The following WWOX variants were observed in gnomAD, a reference collection of about 807,000 sequenced individuals.
WWOX encodes WW domain-containing oxidoreductase.
WWOX carries 69 observed loss-of-function variants against 46.2 expected under a neutral mutation model. That is an observed-to-expected ratio of 1.49 (90% CI 1.23 to 1.82). WWOX has a LOEUF of 1.82. WWOX is among the 40% of genes most tolerant of loss of function. The pLI is 0.00. For synonymous variants in WWOX, 359 were observed against 202.6 expected (o/e 1.77, Z -6.56); for missense variants, 919 against 542.6 (o/e 1.69, Z -6.89).
intron 8 of WWOX, among the ~76,000 whole-genome samples, chr16:78,718,963 T>G (rs944831262): frequency 6.6e-5 from 10 of 150,892 alleles, no homozygotes; most frequent in Admixed American, 5.9e-4. Flanking sequence ...CACTAACCAC[T>G]CATTCACATT....
chr16:78,722,262 G>A (rs534042989), intron 8 of WWOX, among the ~76,000 whole-genome samples: 2 of 152,154 alleles, frequency 1.3e-5, no homozygotes, highest in African/African-American at 2.4e-5. Flanking sequence ...TTGGGGTTCA[G>A]TCCTAGCTCT....
intron 8 of WWOX, among the ~76,000 whole-genome samples, chr16:78,526,838 A>G (rs906111095): frequency 1.3e-5 from 2 of 152,094 alleles, no homozygotes; most frequent in Non-Finnish European, 2.9e-5. Context: ...TCTGGGAGGG[A>G]GGAGCCAGCC....
chr16:78,125,673 G>C (rs2151689797), intron 4 of WWOX, among the ~76,000 whole-genome samples: 1 of 152,162 alleles, frequency 6.6e-6, no homozygotes, highest in East Asian at 1.9e-4. Flanking sequence ...AGCAGCCTGG[G>C]CAACATAGCA....
chr16:79,192,968 G>A (rs34762624), intron 8 of WWOX, among the ~76,000 whole-genome samples: 9,023 of 152,268 alleles, frequency 0.059, 323 homozygotes, highest in East Asian at 0.17. Flanking sequence ...TTTACTCCTT[G>A]TCTCACATTC....
intron 8 of WWOX, among the ~76,000 whole-genome samples, chr16:79,060,638 G>C (rs985120503): frequency 6.6e-6 from 1 of 152,226 alleles, no homozygotes; most frequent in Admixed American, 6.5e-5. Flanking sequence ...CACTTGAAGA[G>C]TATTTTCTAG....
intron 5 of WWOX, among the ~76,000 whole-genome samples, chr16:78,337,756 A>G (rs1229040707): frequency 3.6e-5 from 2 of 56,094 alleles, no homozygotes; most frequent in Admixed American, 1.6e-4. Flanking sequence ...ATATCCCTGT[A>G]CTCCAAGATG....
chr16:78,120,937 A>C (rs2033063341), intron 4 of WWOX, among the ~76,000 whole-genome samples: 2 of 151,844 alleles, frequency 1.3e-5, no homozygotes, highest in South Asian at 4.2e-4. Context: ...TCCATACCTA[A>C]ATGTTACTAA....
chr16:78,981,483 G>T (rs974350952), intron 8 of WWOX, among the ~76,000 whole-genome samples: 3 of 151,338 alleles, frequency 2.0e-5, no homozygotes, highest in Non-Finnish European at 4.4e-5. Flanking sequence ...TGTCATCCAG[G>T]CTGGCATGCA....
chr16:78,832,906 C>T (rs560548460), intron 8 of WWOX, among the ~76,000 whole-genome samples: 1 of 152,166 alleles, frequency 6.6e-6, no homozygotes, highest in Admixed American at 6.5e-5. Flanking sequence ...TTATTTTTCT[C>T]TCTGAAAGTA....
At chr16:78,401,351 A>G (rs572234208) in intron 6 of WWOX, among the ~76,000 whole-genome samples, 3 of 152,254 alleles carry the variant, frequency 2.0e-5, no homozygotes, top group Non-Finnish European at 4.4e-5. Context: ...AAAGTAGCTA[A>G]AATTCAGATA....
chr16:78,911,692 C>T (rs953077341), intron 8 of WWOX, among the ~76,000 whole-genome samples: 2 of 151,918 alleles, frequency 1.3e-5, no homozygotes, highest in South Asian at 2.1e-4. Context: ...ATGGTTAAAC[C>T]CCATCTCTAC....
At chr16:78,803,195 C>G (rs1050428070) in intron 8 of WWOX, among the ~76,000 whole-genome samples, 1 of 151,540 alleles carries the variant, frequency 6.6e-6, no homozygotes, top group African/African-American at 2.4e-5. Context: ...ACACAAACCA[C>G]ATAGGTTCTT....
chr16:78,731,676 C>T (rs2048971377), intron 8 of WWOX, among the ~76,000 whole-genome samples: 1 of 152,038 alleles, frequency 6.6e-6, no homozygotes, highest in South Asian at 2.1e-4. Flanking sequence ...TATGATCAAG[C>T]ATCGTCATGA....
chr16:78,099,694 G>C lies in WWOX; in HGVS notation c.-85G>C, dbSNP rs1176813406. On this transcript the variant is annotated 5_prime_UTR_variant, in exon 1 of 9. Transcript: ENST00000566780. ...GAGCGGTCGGGCCCCGACGCGCGCG[G>C]GTCTCGTTTGGAGCGGGAGTGAGTT... is the stretch of plus-strand genomic sequence containing the variant. The C allele has an allele frequency of 2.1e-6, 3 of 1,447,738 alleles. No individual in the cohort carries two copies. The highest frequency in any genetic ancestry group is 2.7e-5 in the Admixed American group (1 of 37,000). The allele number at this position is 1,447,738 out of a possible 1,614,324, so 89.7% of individuals were successfully genotyped here. A position where few individuals can be genotyped will look rare whatever the true frequency, so the allele number is the denominator to read the frequency against.
At chr16:79,020,392 G>C (rs1325559025) in intron 8 of WWOX, among the ~76,000 whole-genome samples, 2 of 152,228 alleles carry the variant, frequency 1.3e-5, no homozygotes, top group Middle Eastern at 3.4e-3. Context: ...TGCTATAATA[G>C]CTGTATCACC....
rs189143617 is a variant in WWOX at position 78,639,729 on chromosome 16, A to G, written c.1056+206977A>G. On this transcript the variant is annotated intron_variant, in intron 8 of 8. Transcript: ENST00000566780. ...CAGGTGCCCGCCACCACGCCCAGCT[A>G]ATTTTTTGTCTTTTTTAGTAGAGAC... Among the ~76,000 whole-genome samples the G allele has an allele frequency of 5.0e-3, 758 of 152,026 alleles. 3 individuals carry two copies. Among genetic ancestry groups the G allele is most frequent in the Admixed American group, 7.5e-3 (114 of 15,280 alleles).
intron 3 of WWOX, 148 bp downstream of exon 3, chr16:78,109,983 C>G (rs1384973969): frequency 8.2e-6 from 7 of 849,826 alleles, no homozygotes; most frequent in African/African-American, 1.7e-5. Context: ...CTTTTAACAT[C>G]GCTGGAACTT....
intron 5 of WWOX, among the ~76,000 whole-genome samples, chr16:78,275,877 C>A (rs57001457): frequency 6.6e-6 from 1 of 152,130 alleles, no homozygotes; most frequent in East Asian, 1.9e-4. Context: ...GTCCTTCCGA[C>A]GAGGAAGTGC....
rs547395241 is a variant in WWOX, at chr16:78,462,965, A to G, written c.1056+30213A>G. Among the ~76,000 whole-genome samples the G allele has an allele frequency of 4.6e-5, 7 of 152,270 alleles. No individual in the cohort carries two copies. In the East Asian group the frequency reaches 1.4e-3, roughly 29 times the overall value. Reference sequence around the variant, plus strand: ...TTCCCACCACCGTGGGAGGACTGTGATTTTGTAAATGTCCTCTGATCTCTC... The same window carrying G: ...TTCCCACCACCGTGGGAGGACTGTGGTTTTGTAAATGTCCTCTGATCTCTC... On this transcript the variant is annotated intron_variant, in intron 8 of 8. Transcript: ENST00000566780.
Sources: gnomAD v4.1 joint callset for allele counts (sites outside exome capture counted in the v4.1 genomes callset) on GRCh38, gnomAD v4.1.1 for gene constraint, MANE v1.5 for transcripts, NCBI Gene and HGNC (gene_info 2026-07-23, HGNC 2026-07-21) for gene names.